Variants in STRN observed in about 807,000 individuals in gnomAD.
STRN encodes the protein striatin.
STRN carries 53 observed loss-of-function variants against 96.3 expected under a neutral mutation model. The observed-to-expected ratio is 0.55, with a 90% CI of 0.44 to 0.69. The LOEUF is 0.69. STRN is among the 30% of genes least tolerant of loss of function. The pLI, the probability that STRN is intolerant of heterozygous loss-of-function variation, is 0.00. For synonymous variants in STRN, 428 were observed against 355.9 expected (o/e 1.20, Z -2.28); for missense variants, 987 against 963.9 (o/e 1.02, Z -0.32).
chr2:36,954,163 T>C (rs1456420604), intron 1 of STRN, among the ~76,000 whole-genome samples: 3 of 152,068 alleles, frequency 2.0e-5, no homozygotes, highest in Non-Finnish European at 4.4e-5. Flanking sequence ...AAACAAACTA[T>C]ATTAAAATAT....
At chr2:36,933,363 G>A (rs778439561) in intron 1 of STRN, among the ~76,000 whole-genome samples, 41 of 152,038 alleles carry the variant, frequency 2.7e-4, no homozygotes, top group Non-Finnish European at 5.1e-4. Flanking sequence ...GGGAGTTCCC[G>A]GAACCAATAC....
chr2:36,838,869 C>T lies in STRN; in HGVS notation c.*10587G>A, dbSNP rs1436428128. On this transcript the variant is annotated 3_prime_UTR_variant, in exon 18 of 18. Transcript: ENST00000263918. Reference sequence around the variant, plus strand: ...AATGAGAAATGTGAGATGCAGAGAACGTACATGATCCCATTTATTTAAAGC... The same window carrying T: ...AATGAGAAATGTGAGATGCAGAGAATGTACATGATCCCATTTATTTAAAGC... Among the ~76,000 whole-genome samples, 1 of 152,108 alleles carries T rather than the reference C, an allele frequency of 6.6e-6. No individual in the cohort carries two copies. The highest frequency in any genetic ancestry group is 2.4e-5 in the African/African-American group (1 of 41,424).
intron 6 of STRN, among the ~76,000 whole-genome samples, chr2:36,894,366 A>C (rs1669484754): frequency 6.6e-6 from 1 of 152,216 alleles, no homozygotes; most frequent in African/African-American, 2.4e-5. Flanking sequence ...AGTTTTCTCT[A>C]GTAGCTCTCC....
chr2:36,925,493 A>G (rs1670385195), intron 1 of STRN, among the ~76,000 whole-genome samples: 1 of 151,964 alleles, frequency 6.6e-6, no homozygotes, highest in Admixed American at 6.6e-5. Context: ...AACAACTAAT[A>G]TTGCCGGATG....
intron 3 of STRN, among the ~76,000 whole-genome samples, chr2:36,907,440 C>A (rs1226546219): frequency 6.6e-6 from 1 of 151,976 alleles, no homozygotes; most frequent in Non-Finnish European, 1.5e-5. Context: ...CCCAGCTACT[C>A]AGGAGGCTGA....
chr2:36,966,200 T>C, intron 1 of STRN, 30 bp downstream of exon 1: 2 of 1,514,546 alleles, frequency 1.3e-6, no homozygotes, highest in South Asian at 1.2e-5. Flanking sequence ...AGAGGCGGGA[T>C]GAAGACGGCC....
In STRN at chr2:36,845,219, C is replaced by T. The variant is rs967346752; in HGVS notation, c.*4237G>A. ...CAACCAAAGATTCATTATCTCCACT[C>T]GCTAAAAACATTGATGGTTAATTTT... On this transcript the variant is annotated 3_prime_UTR_variant, in exon 18 of 18. Transcript: ENST00000263918. 5.3e-5 allele frequency: 8 copies of T among 152,212 alleles called. No individual in the cohort carries two copies. The highest frequency in any genetic ancestry group is 4.1e-4 in the South Asian group (2 of 4,824). 9.4% of individuals were successfully genotyped at this position (152,212 alleles called of 1,614,324 possible). A position where few individuals can be genotyped will look rare whatever the true frequency, so the allele number is the denominator to read the frequency against.
At chr2:36,952,727 T>C (rs573651329) in intron 1 of STRN, among the ~76,000 whole-genome samples, 2 of 152,150 alleles carry the variant, frequency 1.3e-5, no homozygotes, top group Non-Finnish European at 2.9e-5. Context: ...AAACAAAAGA[T>C]AAAGTACTGG....
In STRN at chr2:36,966,510, G is replaced by A; in HGVS notation, c.-47C>T. The A allele has an allele frequency of 1.5e-6, 2 of 1,315,172 alleles. No individual in the cohort carries two copies. The highest frequency in any genetic ancestry group is 2.0e-6 in the Non-Finnish European group (2 of 1,014,228). 81.5% of individuals were successfully genotyped at this position (1,315,172 alleles called of 1,614,324 possible). The stretch of plus-strand genomic sequence containing the variant: ...AGCTGCCCCGGCGCCCAGCAGCGGA[G>A]GCAACAGCGGCGGCAAGCAGCGCCT... On this transcript the variant is annotated 5_prime_UTR_variant, in exon 1 of 18. Transcript: ENST00000263918.
intron 7 of STRN, among the ~76,000 whole-genome samples, chr2:36,887,120 C>T (rs1669255080): frequency 6.6e-6 from 1 of 151,092 alleles, no homozygotes; most frequent in South Asian, 2.1e-4. Flanking sequence ...AAATTAAGCA[C>T]AAACACTTTA....
chr2:36,922,887 G>A (rs1310068954), intron 2 of STRN, among the ~76,000 whole-genome samples: 3 of 152,140 alleles, frequency 2.0e-5, no homozygotes, highest in Non-Finnish European at 2.9e-5. Context: ...GGTGGCTCAC[G>A]CCACCCAGCA....
intron 1 of STRN, among the ~76,000 whole-genome samples, chr2:36,957,789 T>G: frequency 7.3e-6 from 1 of 136,906 alleles, no homozygotes; most frequent in South Asian, 2.6e-4. Flanking sequence ...GAGTCTCTGT[T>G]GCCCAGGCTG....
At position 36,840,785 on chromosome 2, in the gene STRN, C is replaced by T. The variant is rs1667933192; in HGVS notation, c.*8671G>A. On this transcript the variant is annotated 3_prime_UTR_variant, in exon 18 of 18. Transcript: ENST00000263918. ...TGACAAATGAGCAATGCATAATATGCAAAATCTGGGTTAAGGGAGAGAATC... is the reference window on the plus strand; with the variant it reads ...TGACAAATGAGCAATGCATAATATGTAAAATCTGGGTTAAGGGAGAGAATC... The T allele has an allele frequency of 6.6e-6, 1 of 151,874 alleles. No individual in the cohort carries two copies. The highest frequency in any genetic ancestry group is 1.5e-5 in the Non-Finnish European group (1 of 67,970). The allele number at this position is 151,874 out of a possible 1,614,324, so 9.4% of individuals were successfully genotyped here. A position where few individuals can be genotyped will look rare whatever the true frequency, so the allele number is the denominator to read the frequency against.
intron 1 of STRN, among the ~76,000 whole-genome samples, chr2:36,949,958 A>G (rs1398041272): frequency 6.6e-6 from 1 of 152,218 alleles, no homozygotes; most frequent in East Asian, 1.9e-4. Context: ...TTGGTAATCA[A>G]TTATCTGAAT....
intron 1 of STRN, 75 bp downstream of exon 1, chr2:36,966,155 G>C (rs976833878): frequency 2.2e-6 from 3 of 1,367,798 alleles, no homozygotes; most frequent in African/African-American, 3.0e-5. Context: ...CTGGGGGAGG[G>C]GGAGAAGGGT....
rs1219920395 is a variant in STRN, at chr2:36,840,529, T to C, written c.*8927A>G. The stretch of plus-strand genomic sequence containing the variant: ...GAACCAAATGCATTTGAGCATCAAC[T>C]GTCAAGAGATTTTTTTTTTTTTTTT... On this transcript the variant is annotated 3_prime_UTR_variant, in exon 18 of 18. Transcript: ENST00000263918. The C allele has an allele frequency of 1.7e-5, 2 of 114,510 alleles. No individual in the cohort carries two copies. Among genetic ancestry groups the C allele is most frequent in the Non-Finnish European group, 3.7e-5 (2 of 54,380 alleles). The allele number at this position is 114,510 out of a possible 1,614,324, so 7.1% of individuals were successfully genotyped here.
At chr2:36,886,851 C>A in intron 7 of STRN, 25 bp from the exon 8 acceptor site, 1 of 1,574,670 alleles carries the variant, frequency 6.4e-7, no homozygotes, top group South Asian at 1.2e-5. Context: ...ACAAATGAAA[C>A]AGCCTTTTTC....
chr2:36,923,590 T>C (rs1471986968), intron 2 of STRN, among the ~76,000 whole-genome samples: 1 of 152,200 alleles, frequency 6.6e-6, no homozygotes, highest in Non-Finnish European at 1.5e-5. Context: ...GAGGTCAACC[T>C]ATTTTCAATC....
chr2:36,874,789 G>A (rs1256946244), intron 10 of STRN, among the ~76,000 whole-genome samples: 7 of 148,170 alleles, frequency 4.7e-5, no homozygotes, highest in Non-Finnish European at 8.9e-5. Context: ...GACCCACTCA[G>A]GCTAAACAAA....
Sources: allele counts gnomAD v4.1 joint callset (sites outside exome capture counted in the v4.1 genomes callset), GRCh38; gene constraint gnomAD v4.1.1; transcripts MANE v1.5; gene names NCBI Gene and HGNC (gene_info 2026-07-23, HGNC 2026-07-21).